PTH2R: variants seen among roughly 807,000 people sequenced by gnomAD.
PTH2R encodes parathyroid hormone 2 receptor.
PTH2R carries 59 observed loss-of-function variants against 60.3 expected under a neutral mutation model. The ratio of observed to expected loss-of-function variants is 0.98; its 90% CI spans 0.79 to 1.22. The LOEUF (loss-of-function observed/expected upper bound fraction) is 1.22, where lower values mean the gene tolerates loss of function less well. Among genes scored for constraint, PTH2R ranks in the 50% most tolerant of loss-of-function variants. PTH2R has a pLI of 0.00. For synonymous variants in PTH2R, 256 were observed against 243.8 expected (o/e 1.05, Z -0.47); for missense variants, 749 against 682.6 (o/e 1.10, Z -1.08).
At chr2:208,411,757 C>T (rs560381390) in intron 1 of PTH2R, among the ~76,000 whole-genome samples, 6 of 152,110 alleles carry the variant, frequency 3.9e-5, no homozygotes, top group Admixed American at 2.6e-4. Context: ...TGACTTTAGT[C>T]GTTAATTTCA....
intron 1 of PTH2R, among the ~76,000 whole-genome samples, chr2:208,396,610 C>T (rs1330192610): frequency 6.6e-6 from 1 of 152,172 alleles, no homozygotes; most frequent in African/African-American, 2.4e-5. Flanking sequence ...AATGAGATAC[C>T]ATCTCATGCC....
chr2:208,407,222 A>G, intron 1 of PTH2R, 104 bp downstream of exon 1: 1 of 1,017,920 alleles, frequency 9.8e-7, no homozygotes, highest in East Asian at 3.0e-5. Context: ...ATTCATGTTC[A>G]CACGTCCACA....
intron 9 of PTH2R, among the ~76,000 whole-genome samples, chr2:208,477,890 TACTAGC>T (rs981760878): frequency 2.0e-5 from 3 of 147,370 alleles, no homozygotes; most frequent in Non-Finnish European, 4.5e-5. Flanking sequence ...TTACTACTAG[TACTAGC>T]ACTACTACTA....
rs189950850 is a variant in PTH2R, at chr2:208,365,600, G to A, written c.-259+5363G>A. 1.2e-3 allele frequency among the ~76,000 whole-genome samples: 178 copies of A among 151,794 alleles called. 1 individual carries two copies. Among genetic ancestry groups the A allele is most frequent in the Middle Eastern group, 3.4e-3 (1 of 294 alleles). On this transcript the variant is annotated intron_variant, in intron 1 of 12. Coordinates refer to the PTH2R transcript ENST00000617735. ...ATTTTGCTAGTATTTTTTTGACTAC[G>A]TTCATCAGACATATTGGGTAATTAT...
intron 1 of PTH2R, among the ~76,000 whole-genome samples, chr2:208,369,917 G>A (rs1700662237): frequency 2.0e-5 from 3 of 151,990 alleles, no homozygotes; most frequent in Admixed American, 6.5e-5. Context: ...GGCAATGTAC[G>A]ATGTAGAAAG....
At chr2:208,434,603 G>A (rs1431087192) in intron 2 of PTH2R, among the ~76,000 whole-genome samples, 2 of 152,132 alleles carry the variant, frequency 1.3e-5, no homozygotes, top group Admixed American at 6.5e-5. Context: ...AATAGCATAT[G>A]ACATTGCAGC....
intron 1 of PTH2R, among the ~76,000 whole-genome samples, chr2:208,420,327 A>G (rs1035464911): frequency 6.6e-6 from 1 of 152,080 alleles, no homozygotes; most frequent in Admixed American, 6.6e-5. Flanking sequence ...CAAAAGATAA[A>G]TGTACATTTA....
chr2:208,439,386 A>G (rs1702139427), intron 4 of PTH2R, among the ~76,000 whole-genome samples: 1 of 152,092 alleles, frequency 6.6e-6, no homozygotes, highest in Admixed American at 6.6e-5. Context: ...TTAAGTAATA[A>G]TTTGGAAAAA....
At chr2:208,486,136 C>G (rs1384482695) in intron 10 of PTH2R, among the ~76,000 whole-genome samples, 3 of 152,146 alleles carry the variant, frequency 2.0e-5, no homozygotes, top group Non-Finnish European at 4.4e-5. Context: ...GACTGTGGGC[C>G]AGGGGCCCAG....
At chr2:208,482,136 ACAT>A (rs905550023) in intron 10 of PTH2R, among the ~76,000 whole-genome samples, 1 of 152,166 alleles carries the variant, frequency 6.6e-6, no homozygotes, top group African/African-American at 2.4e-5. Flanking sequence ...GAGAGGAAAA[ACAT>A]CATAGTCAGC....
At chr2:208,405,111 C>T (rs1329720256), upstream of PTH2R, among the ~76,000 whole-genome samples, 1 of 152,086 alleles carries the variant, frequency 6.6e-6, no homozygotes, top group African/African-American at 2.4e-5. Context: ...AATATCTTTC[C>T]CATTAAAAAG....
At chr2:208,435,034 G>A (rs550233895) in intron 2 of PTH2R, among the ~76,000 whole-genome samples, 10 of 152,212 alleles carry the variant, frequency 6.6e-5, no homozygotes, top group Admixed American at 2.0e-4. Flanking sequence ...TTATTGCTTC[G>A]GCAATGCACA....
chr2:208,466,877 A>C (rs1344017219), intron 9 of PTH2R, among the ~76,000 whole-genome samples: 4 of 152,192 alleles, frequency 2.6e-5, no homozygotes, highest in African/African-American at 9.7e-5. Context: ...TTTGCTGTGC[A>C]GAGGCATTTT....
At chr2:208,374,142 T>G (rs1700751978) in intron 1 of PTH2R, among the ~76,000 whole-genome samples, 1 of 151,996 alleles carries the variant, frequency 6.6e-6, no homozygotes, top group Non-Finnish European at 1.5e-5. Context: ...TTCACATTTC[T>G]TCAATTCAAA....
At chr2:208,434,664 G>C (rs978887465) in intron 2 of PTH2R, among the ~76,000 whole-genome samples, 1 of 152,054 alleles carries the variant, frequency 6.6e-6, no homozygotes, top group Admixed American at 6.6e-5. Flanking sequence ...TGTGTGTCCA[G>C]GTCCAATTTA....
In PTH2R at chr2:208,377,400, C is replaced by A. The variant is rs556315022; in HGVS notation, c.-259+17163C>A. The stretch of plus-strand genomic sequence containing the variant: ...TGAGCTGTTGGGTACACCTCCCAGA[C>A]GGGGTGGTGGCCGGGCAGAGGGGCT... On this transcript the variant is annotated intron_variant, in intron 1 of 12. Coordinates refer to the PTH2R transcript ENST00000617735. Among the ~76,000 whole-genome samples, 1,234 of 152,118 alleles carry A rather than the reference C, an allele frequency of 8.1e-3. 10 individuals carry two copies. Among genetic ancestry groups the A allele is most frequent in the Non-Finnish European group, 0.012 (835 of 67,998 alleles).
At chr2:208,399,598 C>T (rs1055317918) in intron 1 of PTH2R, among the ~76,000 whole-genome samples, 1 of 152,122 alleles carries the variant, frequency 6.6e-6, no homozygotes, top group Non-Finnish European at 1.5e-5. Flanking sequence ...AGGTGTCATA[C>T]ATCATTGCTG....
chr2:208,431,429 T>G (rs1701969766), intron 2 of PTH2R, among the ~76,000 whole-genome samples: 1 of 152,220 alleles, frequency 6.6e-6, no homozygotes, highest in Admixed American at 6.5e-5. Flanking sequence ...TGATTTGTGA[T>G]GAGCAACTCA....
intron 2 of PTH2R, among the ~76,000 whole-genome samples, chr2:208,435,933 T>C (rs555979389): frequency 1.3e-5 from 2 of 152,216 alleles, no homozygotes; most frequent in African/African-American, 2.4e-5. Flanking sequence ...TTTTGAGAAG[T>C]TGGGGTATAA....
Sources: allele counts gnomAD v4.1 joint callset (sites outside exome capture counted in the v4.1 genomes callset), GRCh38; gene constraint gnomAD v4.1.1; transcripts MANE v1.5; gene names NCBI Gene and HGNC (gene_info 2026-07-23, HGNC 2026-07-21).